The following GATAD2A variants were observed in gnomAD, a reference collection of about 807,000 sequenced individuals.
GATAD2A encodes transcriptional repressor p66-alpha.
A neutral mutation model predicts 68.5 loss-of-function variants in GATAD2A; 12 were observed. The ratio of observed to expected loss-of-function variants is 0.18; its 90% CI spans 0.11 to 0.28. The LOEUF is 0.28. Among genes scored for constraint, GATAD2A ranks in the 10% least tolerant of loss-of-function variants. GATAD2A has a pLI of 1.00. For missense variants in GATAD2A, 755 were observed against 868.5 expected (o/e 0.87, Z 1.64); for synonymous variants, 410 against 375.3 (o/e 1.09, Z -1.07).
intron 1 of GATAD2A, among the ~76,000 whole-genome samples, chr19:19,464,475 A>G (rs556286109): frequency 6.6e-6 from 1 of 152,230 alleles, no homozygotes; most frequent in East Asian, 1.9e-4. Context: ...CCCTGCAGAC[A>G]GACATCGCTG....
At chr19:19,434,571 GGTAGTCCT>G (rs1568281407) in intron 1 of GATAD2A, among the ~76,000 whole-genome samples, 1 of 152,152 alleles carries the variant, frequency 6.6e-6, no homozygotes, top group Non-Finnish European at 1.5e-5. Flanking sequence ...GCAAGCTCCT[GGTAGTCCT>G]GTGGGTGCAA....
Position 19,495,783 on chromosome 19 carries a change from C to T in GATAD2A, c.654C>T (p.Val218=). Reference sequence around the variant, plus strand: ...CTTCAGCTCGGATGCCCGGCAGTGTCATACCCCCGCCCCTGGTCCGAGGTG... The same window carrying T: ...CTTCAGCTCGGATGCCCGGCAGTGTTATACCCCCGCCCCTGGTCCGAGGTG... ...QTSSARMPGS[V]IPPPLVRGGQ... Residue 218 remains valine (V), a synonymous_variant, in exon 6 of 12, where the codon GTC becomes GTT. Transcript: ENST00000683918. The T allele has an allele frequency of 6.2e-7, 1 of 1,613,494 alleles. No homozygotes were observed. Among genetic ancestry groups the T allele is most frequent in the Non-Finnish European group, 8.5e-7 (1 of 1,179,608 alleles).
At chr19:19,503,932 C>T (rs1241687009) in intron 11 of GATAD2A, among the ~76,000 whole-genome samples, 3 of 152,182 alleles carry the variant, frequency 2.0e-5, no homozygotes, top group Non-Finnish European at 4.4e-5. Context: ...TAGGGCCAGA[C>T]ATGCTGGCTC....
intron 10 of GATAD2A, 42 bp from the exon 11 acceptor site, chr19:19,502,289 C>T: frequency 6.8e-7 from 1 of 1,476,730 alleles, no homozygotes; most frequent in African/African-American, 1.4e-5. Flanking sequence ...CTGCTGCTGT[C>T]TTTTCCCTGC....
In GATAD2A at chr19:19,496,216, A is replaced by G; in HGVS notation, c.921A>G (p.Pro307=). Residue 307 remains proline, a synonymous_variant, in exon 7 of 12, where the codon CCA becomes CCG. Transcript: ENST00000683918. ...ACACCAGCCTGCTCGTCAACATCCCACAGGTGAGGGCTGCGCCACACTGTG... is the reference window on the plus strand; with the variant it reads ...ACACCAGCCTGCTCGTCAACATCCCGCAGGTGAGGGCTGCGCCACACTGTG... ...VPNTSLLVNI[P]QPTPASLKGT... 6.2e-7 allele frequency: 1 copy of G among 1,613,112 alleles called. No homozygotes were observed. The highest frequency in any genetic ancestry group is 8.5e-7 in the Non-Finnish European group (1 of 1,179,664).
At chr19:19,406,442 G>A (rs2050268551) in intron 1 of GATAD2A, among the ~76,000 whole-genome samples, 2 of 151,638 alleles carry the variant, frequency 1.3e-5, no homozygotes, top group Non-Finnish European at 1.5e-5. Flanking sequence ...GGGCAGCAAC[G>A]CTGAACCCCG....
upstream of GATAD2A, among the ~76,000 whole-genome samples, chr19:19,402,801 T>C (rs2146981991): frequency 6.7e-6 from 1 of 149,862 alleles, no homozygotes; most frequent in Non-Finnish European, 1.5e-5. Context: ...TGAGATGGAT[T>C]CTGGCTCTGT....
intron 1 of GATAD2A, among the ~76,000 whole-genome samples, chr19:19,414,189 TTGTATC>T (rs1176259301): frequency 2.0e-5 from 3 of 152,170 alleles, no homozygotes; most frequent in African/African-American, 4.8e-5. Context: ...TATTGTTAGT[TTGTATC>T]TGTCAGGTTA....
chr19:19,416,144 C>T (rs1214895686), intron 1 of GATAD2A, among the ~76,000 whole-genome samples: 4 of 152,118 alleles, frequency 2.6e-5, no homozygotes, highest in Non-Finnish European at 4.4e-5. Flanking sequence ...AATTTGTAGA[C>T]ATCCTTCAAG....
intron 2 of GATAD2A, among the ~76,000 whole-genome samples, chr19:19,475,911 T>C (rs989083748): frequency 6.6e-6 from 1 of 152,224 alleles, no homozygotes; most frequent in East Asian, 1.9e-4. Context: ...GATAACAGAC[T>C]GCCCTGTTTC....
At chr19:19,441,584 C>T (rs760676545) in intron 1 of GATAD2A, 5 of 156,294 alleles carry the variant, frequency 3.2e-5, no homozygotes, top group Non-Finnish European at 7.1e-5. Flanking sequence ...TGTTTTAAGA[C>T]GGAGTCTCGC....
intron 1 of GATAD2A, chr19:19,457,021 G>C: frequency 1.2e-6 from 1 of 829,426 alleles, no homozygotes; most frequent in Non-Finnish European, 1.5e-6. Context: ...AACAGATTTG[G>C]ATGAAACCCT....
At chr19:19,433,382 T>C (rs1216391813) in intron 1 of GATAD2A, among the ~76,000 whole-genome samples, 1 of 152,198 alleles carries the variant, frequency 6.6e-6, no homozygotes, top group African/African-American at 2.4e-5. Flanking sequence ...GTCCTCCAAA[T>C]TTGTGCCTGT....
At position 19,507,720 on chromosome 19, in the gene GATAD2A, C is replaced by T. The variant is rs899311074; in HGVS notation, c.*2246C>T. ...CGGCCCCATGTCCCCAGGGAGCATTCCATCAGGGACAACGTACATACTGTG... is the reference window on the plus strand; with the variant it reads ...CGGCCCCATGTCCCCAGGGAGCATTTCATCAGGGACAACGTACATACTGTG... On this transcript the variant is annotated 3_prime_UTR_variant, in exon 12 of 12. Coordinates refer to ENST00000683918, the MANE Select transcript of GATAD2A (RefSeq NM_001384528.1). The T allele has an allele frequency of 6.6e-6, 1 of 151,818 alleles. No individual in the cohort carries two copies. The highest frequency in any genetic ancestry group is 1.5e-5 in the Non-Finnish European group (1 of 67,990). The allele number at this position is 151,818 out of a possible 1,614,324, so 9.4% of individuals were successfully genotyped here.
In GATAD2A at chr19:19,493,632, A is replaced by G. The variant is rs1003298155; in HGVS notation, c.535-662A>G. Reference sequence around the variant, plus strand: ...ACTTTAGTCATTGCCTCAGTGACCCAGAAAGTAAGTGTGTTCTGGGCAGCA... The same window carrying G: ...ACTTTAGTCATTGCCTCAGTGACCCGGAAAGTAAGTGTGTTCTGGGCAGCA... On this transcript the variant is annotated intron_variant, in intron 4 of 11. Coordinates refer to ENST00000683918, the MANE Select transcript of GATAD2A (RefSeq NM_001384528.1). 3.3e-5 allele frequency among the ~76,000 whole-genome samples: 5 copies of G among 152,336 alleles called. No homozygotes were observed. The East Asian group carries it at 9.6e-4, about 29-fold the overall frequency.
At chr19:19,471,934 C>T (rs1406461829) in intron 2 of GATAD2A, among the ~76,000 whole-genome samples, 3 of 151,870 alleles carry the variant, frequency 2.0e-5, no homozygotes, top group South Asian at 2.1e-4. Context: ...CTTGCACTGT[C>T]GGCCAGGCAA....
At chr19:19,462,119 C>T (rs747924301) in intron 1 of GATAD2A, among the ~76,000 whole-genome samples, 1 of 152,236 alleles carries the variant, frequency 6.6e-6, no homozygotes, top group Non-Finnish European at 1.5e-5. Flanking sequence ...ATGTACCCCC[C>T]ACTGCTCTTT....
At chr19:19,427,450 T>A (rs1311258058) in intron 1 of GATAD2A, 2 of 85,602 alleles carry the variant, frequency 2.3e-5, no homozygotes, top group Non-Finnish European at 4.8e-5. Context: ...GGGGTGGGGG[T>A]GGGGTTAAAA....
At chr19:19,504,157 G>A (rs113749285) in intron 11 of GATAD2A, among the ~76,000 whole-genome samples, 6,155 of 152,300 alleles carry the variant, frequency 0.04, 428 homozygotes, top group African/African-American at 0.14. Context: ...AGTGAGCACT[G>A]ATTGTGCCAC....
Sources: gnomAD v4.1 joint callset for allele counts (sites outside exome capture counted in the v4.1 genomes callset) on GRCh38, gnomAD v4.1.1 for gene constraint, MANE v1.5 for transcripts, NCBI Gene and HGNC (gene_info 2026-07-23, HGNC 2026-07-21) for gene names.